CBLN2: variants seen among roughly 807,000 people sequenced by gnomAD.
CBLN2 encodes cerebellin-2.
In CBLN2, 7 loss-of-function variants were observed where a neutral mutation model predicts 15.0. The observed-to-expected ratio is 0.47, with a 90% confidence interval of 0.27 to 0.88. CBLN2 has a LOEUF of 0.88. CBLN2 is among the 40% of genes least tolerant of loss of function. The pLI, the probability that CBLN2 is intolerant of heterozygous loss-of-function variation, is 0.14. For synonymous variants in CBLN2, 149 were observed against 135.2 expected, an observed-to-expected ratio of 1.10 and a Z score of -0.71; for missense variants, 242 against 304.5, an observed-to-expected ratio of 0.79 and a Z score of 1.53.
chr18:72,586,794 C>A (rs897429176), intron 1 of CBLN2, among the ~76,000 whole-genome samples: 3 of 152,066 alleles, frequency 2.0e-5, no homozygotes, highest in Admixed American at 2.0e-4. Context: ...AGAGAATTCT[C>A]CAACACAAAA....
intron 3 of CBLN2, among the ~76,000 whole-genome samples, chr18:72,541,170 T>C (rs1217475948): frequency 6.6e-6 from 1 of 152,236 alleles, no homozygotes; most frequent in Non-Finnish European, 1.5e-5. Flanking sequence ...ACTGTTCATG[T>C]ATACATTATA....
chr18:72,544,973 C>CTAGTAA, upstream of CBLN2, among the ~76,000 whole-genome samples: 1 of 147,240 alleles, frequency 6.8e-6, no homozygotes, highest in Admixed American at 6.8e-5. Flanking sequence ...TTCTGATAGG[C>CTAGTAA]TAATAATAAT....
chr18:72,593,231 A>AT (rs1208147892), intron 1 of CBLN2, among the ~76,000 whole-genome samples: 2 of 151,762 alleles, frequency 1.3e-5, no homozygotes, highest in African/African-American at 4.8e-5. Flanking sequence ...CTTCCTTGGT[A>AT]TTTTATTTTG....
chr18:72,633,049 G>A (rs559623885), intron 1 of CBLN2, among the ~76,000 whole-genome samples: 4 of 152,084 alleles, frequency 2.6e-5, no homozygotes, highest in Non-Finnish European at 4.4e-5. Context: ...AAGTCGCTTC[G>A]ATTGTTTCAT....
chr18:72,546,469 AGT>A (rs886292547), upstream of CBLN2, among the ~76,000 whole-genome samples: 108 of 152,264 alleles, frequency 7.1e-4, no homozygotes, highest in African/African-American at 2.4e-3. Flanking sequence ...ATTTAAGTCA[AGT>A]GTTGGAATTT....
In CBLN2 at chr18:72,580,196, T is replaced by C. The variant is rs1028130494; in HGVS notation, c.16-41424A>G. On this transcript the variant is annotated intron_variant, in intron 1 of 2. Coordinates refer to the CBLN2 transcript ENST00000581073. ...TTTTTATATGAAAAATGACTAGAAA[T>C]GTTCTTAAAAGCTAACAGGAAACTC... is the stretch of plus-strand genomic sequence containing the variant. Among the ~76,000 whole-genome samples the C allele has an allele frequency of 4.6e-5, 7 of 152,162 alleles. No individual in the cohort carries two copies. In the South Asian group the frequency reaches 1.5e-3, roughly 32 times the overall value.
chr18:72,581,057 T>C (rs995338467), intron 1 of CBLN2, among the ~76,000 whole-genome samples: 1 of 152,226 alleles, frequency 6.6e-6, no homozygotes. Context: ...AAGAAACCTC[T>C]TAGGTCAGTT....
chr18:72,594,271 T>A (rs1189494762), intron 1 of CBLN2, among the ~76,000 whole-genome samples: 2 of 152,118 alleles, frequency 1.3e-5, no homozygotes, highest in Admixed American at 6.6e-5. Flanking sequence ...TCCCAGAACT[T>A]AAAGTATAAT....
intron 1 of CBLN2, among the ~76,000 whole-genome samples, chr18:72,631,939 T>TTG (rs2069779756): frequency 6.6e-6 from 1 of 152,164 alleles, no homozygotes; most frequent in Non-Finnish European, 1.5e-5. Flanking sequence ...GATTTTGATG[T>TTG]ACTAAAATAT....
intron 1 of CBLN2, among the ~76,000 whole-genome samples, chr18:72,568,461 A>T (rs1382393883): frequency 1.3e-5 from 2 of 152,134 alleles, no homozygotes; most frequent in Non-Finnish European, 2.9e-5. Context: ...CAATAGTGTG[A>T]TGGAGTCAGC....
chr18:72,551,036 A>G (rs749809753), intron 1 of CBLN2, among the ~76,000 whole-genome samples: 6 of 152,016 alleles, frequency 3.9e-5, no homozygotes, highest in Admixed American at 6.6e-5. Context: ...TCACACCCAT[A>G]AACTGTAATT....
At chr18:72,547,119 C>T (rs1219457452), upstream of CBLN2, among the ~76,000 whole-genome samples, 2 of 73,552 alleles carry the variant, frequency 2.7e-5, no homozygotes, top group African/African-American at 9.1e-5. Context: ...GTCACACACA[C>T]ACACACACAC....
intron 1 of CBLN2, among the ~76,000 whole-genome samples, chr18:72,597,843 A>T (rs1414867041): frequency 6.6e-6 from 1 of 152,200 alleles, no homozygotes; most frequent in African/African-American, 2.4e-5. Flanking sequence ...CACAGCAAGT[A>T]CTGCCTGGCT....
At chr18:72,569,979 G>A (rs1425630579) in intron 1 of CBLN2, among the ~76,000 whole-genome samples, 1 of 152,162 alleles carries the variant, frequency 6.6e-6, no homozygotes, top group Non-Finnish European at 1.5e-5. Context: ...ACTGAGAAGA[G>A]TCCTTACATT....
chr18:72,617,687 A>G (rs1048135702), intron 1 of CBLN2, among the ~76,000 whole-genome samples: 1 of 152,186 alleles, frequency 6.6e-6, no homozygotes, highest in African/African-American at 2.4e-5. Context: ...GAGTTGTACC[A>G]TATAGGATGC....
chr18:72,605,127 C>T (rs568664645), intron 1 of CBLN2, among the ~76,000 whole-genome samples: 11 of 152,272 alleles, frequency 7.2e-5, no homozygotes, highest in African/African-American at 2.4e-4. Flanking sequence ...TTCCTTCTTC[C>T]TCTCTTAAAA....
intron 4 of CBLN2, 105 bp from the exon 5 acceptor site, chr18:72,538,478 G>A (rs894952314): frequency 1.8e-5 from 26 of 1,444,272 alleles, no homozygotes; most frequent in African/African-American, 2.8e-5. Context: ...CCTTCCCTTA[G>A]AGTACACATC....
upstream of CBLN2, among the ~76,000 whole-genome samples, chr18:72,545,585 T>C (rs1174124482): frequency 6.6e-6 from 1 of 152,246 alleles, no homozygotes; most frequent in East Asian, 1.9e-4. Flanking sequence ...TACTTTCAAA[T>C]AGTTATTTTA....
rs80270246 is a variant in CBLN2 at position 72,598,671 on chromosome 18, G to A, written c.15+39654C>T. ...GTGTCCTAGACTGTCTTTCTAGTTC[G>A]TTTCAGAACCCAGAGCATTTTAGCT... On this transcript the variant is annotated intron_variant, in intron 1 of 2. Transcript: ENST00000581073. 2.9e-3 allele frequency among the ~76,000 whole-genome samples: 436 copies of A among 152,268 alleles called. 18 individuals carry two copies. The East Asian group carries it at 0.071, about 25-fold the overall frequency.
Sources: allele counts gnomAD v4.1 joint callset (sites outside exome capture counted in the v4.1 genomes callset), GRCh38; gene constraint gnomAD v4.1.1; transcripts MANE v1.5; gene names NCBI Gene and HGNC (gene_info 2026-07-23, HGNC 2026-07-21).